ADAMTSL3: variants seen among roughly 807,000 people sequenced by gnomAD.
ADAMTSL3 encodes ADAMTS-like protein 3.
In ADAMTSL3, 128 loss-of-function variants were observed where a neutral mutation model predicts 201.7. That is an observed-to-expected ratio of 0.63 (90% CI 0.55 to 0.73). ADAMTSL3 has a LOEUF of 0.73. ADAMTSL3 is among the 30% of genes least tolerant of loss of function. ADAMTSL3 has a pLI of 0.00. For synonymous variants in ADAMTSL3, 738 were observed against 748.4 expected, an observed-to-expected ratio of 0.99 and a Z score of 0.23; for missense variants, 1,990 against 2,119.6, an observed-to-expected ratio of 0.94 and a Z score of 1.20.
intron 4 of ADAMTSL3, among the ~76,000 whole-genome samples, 179 bp downstream of exon 4, chr15:83,773,829 G>C (rs1161907757): frequency 6.6e-6 from 1 of 152,172 alleles, no homozygotes; most frequent in East Asian, 1.9e-4. Flanking sequence ...TCCCGTTTTC[G>C]TGGGTGTGGC....
intron 3 of ADAMTSL3, among the ~76,000 whole-genome samples, chr15:83,726,070 T>G (rs577663668): frequency 5.9e-5 from 9 of 152,158 alleles, no homozygotes; most frequent in Non-Finnish European, 1.3e-4. Context: ...CTTCAATTTC[T>G]TGCATCAACG....
At position 83,958,773 on chromosome 15, in the gene ADAMTSL3, T is replaced by G. The variant is rs150205829; in HGVS notation, c.2491-11711T>G. ...GAAATAGAAAATTCAAGAAATGAGATGAATAAATAACAGGAGAATGTAAAA... is the reference window on the plus strand; with the variant it reads ...GAAATAGAAAATTCAAGAAATGAGAGGAATAAATAACAGGAGAATGTAAAA... On this transcript the variant is annotated intron_variant, in intron 19 of 29. Transcript: ENST00000286744. 1.8e-4 allele frequency among the ~76,000 whole-genome samples: 27 copies of G among 151,976 alleles called. No homozygotes were observed. The East Asian group carries it at 5.0e-3, about 28-fold the overall frequency.
At chr15:83,661,343 A>G (rs2061160525) in intron 2 of ADAMTSL3, among the ~76,000 whole-genome samples, 1 of 150,886 alleles carries the variant, frequency 6.6e-6, no homozygotes, top group African/African-American at 2.4e-5. Context: ...CTTGATGGGG[A>G]TGGCATTGAA....
chr15:83,946,459 C>G (rs867313290), intron 19 of ADAMTSL3, among the ~76,000 whole-genome samples: 3 of 152,188 alleles, frequency 2.0e-5, no homozygotes, highest in South Asian at 2.1e-4. Flanking sequence ...CACAGTGACC[C>G]TAATTTTTAC....
intron 23 of ADAMTSL3, among the ~76,000 whole-genome samples, chr15:83,996,361 C>A (rs1040095866): frequency 6.6e-6 from 1 of 152,168 alleles, no homozygotes; most frequent in African/African-American, 2.4e-5. Context: ...TATAAAAGTT[C>A]TGATCCCTGA....
rs533071522 is a variant in ADAMTSL3, at chr15:83,978,234, C to G, written c.2645-4039C>G. On this transcript the variant is annotated intron_variant, in intron 20 of 29. Coordinates refer to ENST00000286744, the MANE Select transcript of ADAMTSL3 (RefSeq NM_207517.3). Reference sequence around the variant, plus strand: ...TGGAGTAAAGGCAGGACCCAGTAAGCAAGGAGCTGAGGTCATTGCCATAGA... The same window carrying G: ...TGGAGTAAAGGCAGGACCCAGTAAGGAAGGAGCTGAGGTCATTGCCATAGA... Among the ~76,000 whole-genome samples the G allele has an allele frequency of 2.0e-4, 30 of 152,322 alleles. No individual in the cohort carries two copies. The South Asian group carries it at 6.2e-3, about 32-fold the overall frequency.
At chr15:83,814,026 G>A (rs4530091) in intron 5 of ADAMTSL3, among the ~76,000 whole-genome samples, 119,008 of 152,146 alleles carry the variant, frequency 0.78, 47,548 homozygotes, top group East Asian at 1. Context: ...ATGTTTTTGT[G>A]GCATGAACAC....
chr15:84,030,846 C>CA (rs781020092), intron 27 of ADAMTSL3, among the ~76,000 whole-genome samples: 19 of 152,298 alleles, frequency 1.2e-4, no homozygotes, highest in Non-Finnish European at 1.9e-4. Context: ...ATCATGGCGA[C>CA]AGTTTCCCTC....
chr15:83,662,562 A>G (rs1007838106), intron 2 of ADAMTSL3, among the ~76,000 whole-genome samples: 5 of 138,540 alleles, frequency 3.6e-5, no homozygotes, highest in Non-Finnish European at 8.0e-5. Flanking sequence ...CTAAAACTTA[A>G]AGTATAATAA....
At chr15:83,969,760 A>T (rs2067158147) in intron 19 of ADAMTSL3, among the ~76,000 whole-genome samples, 1 of 152,228 alleles carries the variant, frequency 6.6e-6, no homozygotes, top group Non-Finnish European at 1.5e-5. Flanking sequence ...AATGGTTATA[A>T]AGTTTCAATT....
chr15:83,694,139 G>T (rs989939556), intron 2 of ADAMTSL3, among the ~76,000 whole-genome samples: 52 of 152,166 alleles, frequency 3.4e-4, no homozygotes, highest in Non-Finnish European at 1.8e-4. Context: ...CTGTCAGGGC[G>T]TGGAAGCGAT....
chr15:83,950,739 C>T (rs913258033), intron 19 of ADAMTSL3, among the ~76,000 whole-genome samples: 5 of 151,862 alleles, frequency 3.3e-5, no homozygotes, highest in African/African-American at 1.2e-4. Context: ...AAGTTGATTA[C>T]TTGGTATTTC....
chr15:83,720,945 TG>T (rs2062092250), intron 3 of ADAMTSL3, among the ~76,000 whole-genome samples: 1 of 152,192 alleles, frequency 6.6e-6, no homozygotes, highest in Admixed American at 6.5e-5. Context: ...ATTCCACTCA[TG>T]GTTTTTATGT....
intron 7 of ADAMTSL3, among the ~76,000 whole-genome samples, 155 bp downstream of exon 7, chr15:83,838,370 A>G (rs1433192058): frequency 1.3e-5 from 2 of 152,242 alleles, no homozygotes; most frequent in African/African-American, 4.8e-5. Flanking sequence ...AGAAGTGTGT[A>G]TCAAACTTTT....
At chr15:83,911,730 C>T (rs2065938985) in intron 15 of ADAMTSL3, among the ~76,000 whole-genome samples, 1 of 152,156 alleles carries the variant, frequency 6.6e-6, no homozygotes, top group Non-Finnish European at 1.5e-5. Context: ...TTTTGGACAA[C>T]TATATTTAAG....
At chr15:83,801,416 A>G (rs1459296547) in intron 4 of ADAMTSL3, among the ~76,000 whole-genome samples, 1 of 151,616 alleles carries the variant, frequency 6.6e-6, no homozygotes, top group Non-Finnish European at 1.5e-5. Flanking sequence ...TGCAGTTGGA[A>G]CAGAAAGTTT....
At chr15:83,679,850 T>C (rs531430404) in intron 2 of ADAMTSL3, among the ~76,000 whole-genome samples, 1 of 152,292 alleles carries the variant, frequency 6.6e-6, no homozygotes, top group South Asian at 2.1e-4. Context: ...TCAGCAGATA[T>C]TGTCCAGCAG....
At position 83,903,937 on chromosome 15, in the gene ADAMTSL3, A is replaced by AGG. The variant is rs1567226075; in HGVS notation, c.1700+4206_1700+4207insGG. Among the ~76,000 whole-genome samples the AGG allele has an allele frequency of 1.5e-3, 43 of 29,014 alleles. 4 individuals carry two copies. The highest frequency in any genetic ancestry group is 4.2e-3 in the South Asian group (4 of 942). 19.0% of individuals were successfully genotyped at this position (29,014 alleles called of 152,430 possible). ...CACATCAAAAAAAAAAAAAAAAAAA[A>AGG]AAAAAAAGAAAAAAGAAAGAAAGAA... is the stretch of plus-strand genomic sequence containing the variant. On this transcript the variant is annotated intron_variant, in intron 15 of 29. Transcript: ENST00000286744.
At chr15:83,898,974 C>G (rs1038629255) in intron 14 of ADAMTSL3, among the ~76,000 whole-genome samples, 6 of 152,164 alleles carry the variant, frequency 3.9e-5, no homozygotes, top group African/African-American at 1.4e-4. Context: ...TTTTTCCTTC[C>G]TTCTGCATTT....
Sources: allele counts gnomAD v4.1 joint callset (sites outside exome capture counted in the v4.1 genomes callset), GRCh38; gene constraint gnomAD v4.1.1; transcripts MANE v1.5; gene names NCBI Gene and HGNC (gene_info 2026-07-23, HGNC 2026-07-21).